The following PTPRS variants were observed in gnomAD, a reference collection of about 807,000 sequenced individuals.
PTPRS encodes protein tyrosine phosphatase receptor type S.
In PTPRS, 63 loss-of-function variants were observed where a neutral mutation model predicts 215.3. The observed-to-expected ratio is 0.29, with a 90% CI of 0.24 to 0.36. The LOEUF (loss-of-function observed/expected upper bound fraction) is 0.36, where lower values mean the gene tolerates loss of function less well. PTPRS is among the 10% of genes least tolerant of loss of function. PTPRS has a pLI of 1.00. For missense variants in PTPRS, 2,258 were observed against 2,825.8 expected (o/e 0.80, Z 4.56); for synonymous variants, 1,404 against 1,191.4 (o/e 1.18, Z -3.68).
chr19:5,266,994 C>T (rs539523258), intron 4 of PTPRS, among the ~76,000 whole-genome samples: 11 of 152,174 alleles, frequency 7.2e-5, no homozygotes, highest in Non-Finnish European at 1.2e-4. Flanking sequence ...CTATCTGTAA[C>T]GGTGCATCTG....
At chr19:5,308,371 TC>T (rs1440036787) in intron 1 of PTPRS, among the ~76,000 whole-genome samples, 1 of 151,976 alleles carries the variant, frequency 6.6e-6, no homozygotes, top group Non-Finnish European at 1.5e-5. Flanking sequence ...TCATCCATCG[TC>T]CCCCCAGACT....
At chr19:5,284,958 AACG>A (rs1322347872) in intron 2 of PTPRS, among the ~76,000 whole-genome samples, 1 of 152,048 alleles carries the variant, frequency 6.6e-6, no homozygotes, top group Non-Finnish European at 1.5e-5. Flanking sequence ...AAAAGGAAAA[AACG>A]ACAATAAAAA....
At chr19:5,297,077 G>A (rs1600061739) in intron 1 of PTPRS, among the ~76,000 whole-genome samples, 2 of 146,066 alleles carry the variant, frequency 1.4e-5, no homozygotes, top group East Asian at 3.9e-4. Flanking sequence ...CCACCTCCAG[G>A]AAGCCCTCCC....
intron 1 of PTPRS, among the ~76,000 whole-genome samples, chr19:5,302,316 G>A (rs1006124891): frequency 8.5e-5 from 13 of 152,138 alleles, no homozygotes; most frequent in Non-Finnish European, 1.8e-4. Flanking sequence ...GGTGAGCTAA[G>A]ATCCCGCCAC....
chr19:5,262,941 C>T (rs376701840), intron 6 of PTPRS, 23 bp downstream of exon 6: 21 of 1,577,988 alleles, frequency 1.3e-5, no homozygotes, highest in South Asian at 5.8e-5. Context: ...TAGTTGTTGA[C>T]GTGGTGATGA....
At chr19:5,269,741 C>T (rs1011711741) in intron 4 of PTPRS, among the ~76,000 whole-genome samples, 4 of 151,862 alleles carry the variant, frequency 2.6e-5, no homozygotes, top group Admixed American at 6.6e-5. Flanking sequence ...ACCAACATGG[C>T]GAAACACTGT....
intron 1 of PTPRS, among the ~76,000 whole-genome samples, chr19:5,310,577 C>G (rs560334934): frequency 1.7e-4 from 26 of 152,190 alleles, no homozygotes; most frequent in African/African-American, 6.0e-4. Flanking sequence ...CTCGGCCTCC[C>G]AAAGTGCTAA....
chr19:5,231,708 TA>T (rs1568432776), intron 13 of PTPRS, 93 bp from the exon 14 acceptor site: 1 of 326,696 alleles, frequency 3.1e-6, no homozygotes, highest in African/African-American at 2.4e-5. Context: ...AAAGAGAAAA[TA>T]AAAAAGAAGA....
chr19:5,267,689 C>T (rs56704443), intron 4 of PTPRS, among the ~76,000 whole-genome samples: 5,184 of 148,768 alleles, frequency 0.035, 342 homozygotes, highest in African/African-American at 0.12. Context: ...GAAACAGCCA[C>T]GTAGGGCAGA....
intron 14 of PTPRS, among the ~76,000 whole-genome samples, chr19:5,230,669 T>G (rs1041188278): frequency 1.1e-4 from 16 of 152,174 alleles, no homozygotes; most frequent in African/African-American, 3.9e-4. Flanking sequence ...CTATGTTGCC[T>G]AGGCTGGTCT....
Position 5,212,417 on chromosome 19 carries a change from G to A in PTPRS, c.4689C>T (p.Tyr1563=), listed in dbSNP as rs756179275. The change falls in exon 31 of 38, where the codon TAC becomes TAT. Residue 1563 remains tyrosine, a synonymous_variant. Transcript: ENST00000262963. ...TAWPDHGVPE[Y]PTPFLAFLRR... ...GCAGGAAAGCCAGGAAGGGCGTTGGGTATTCGGGCACGCCATGGTCCGGCC... is the reference window on the plus strand; with the variant it reads ...GCAGGAAAGCCAGGAAGGGCGTTGGATATTCGGGCACGCCATGGTCCGGCC... 4 of 1,604,126 alleles carry A rather than the reference G, an allele frequency of 2.5e-6. 1 individual carries two copies. The South Asian group carries it at 3.3e-5, about 13-fold the overall frequency.
chr19:5,263,951 C>T (rs1393879299), intron 5 of PTPRS, among the ~76,000 whole-genome samples: 1 of 152,200 alleles, frequency 6.6e-6, no homozygotes, highest in Non-Finnish European at 1.5e-5. Flanking sequence ...CACACGTGGA[C>T]ATGTCGTGAA....
At chr19:5,264,890 C>T (rs878869170) in intron 5 of PTPRS, 118 bp downstream of exon 5, 8 of 1,212,590 alleles carry the variant, frequency 6.6e-6, no homozygotes, top group Middle Eastern at 2.0e-4. Context: ...ACGCCTGCCA[C>T]GGCCACACAC....
intron 1 of PTPRS, among the ~76,000 whole-genome samples, chr19:5,332,631 C>T (rs548142297): frequency 6.6e-6 from 1 of 152,318 alleles, no homozygotes; most frequent in Admixed American, 6.5e-5. Context: ...GCCTCGGTTT[C>T]TCCCTTTGGA....
intron 4 of PTPRS, among the ~76,000 whole-genome samples, chr19:5,269,786 T>C (rs1222300802): frequency 2.0e-5 from 3 of 151,946 alleles, no homozygotes; most frequent in African/African-American, 7.3e-5. Context: ...CTGGGCGTGC[T>C]AGTGGGCGCC....
At chr19:5,325,552 T>C (rs1248691060) in intron 1 of PTPRS, among the ~76,000 whole-genome samples, 1 of 152,190 alleles carries the variant, frequency 6.6e-6, no homozygotes, top group Non-Finnish European at 1.5e-5. Flanking sequence ...GTTTCACTCA[T>C]TCCAACATCC....
chr19:5,278,991 G>A (rs2047629416), intron 2 of PTPRS, among the ~76,000 whole-genome samples: 1 of 151,502 alleles, frequency 6.6e-6, no homozygotes. Context: ...TTTGAGGCCC[G>A]CCTGACCAAC....
intron 1 of PTPRS, among the ~76,000 whole-genome samples, chr19:5,312,393 G>A (rs2049735640): frequency 6.6e-6 from 1 of 151,776 alleles, no homozygotes; most frequent in African/African-American, 2.4e-5. Context: ...AGGCATGGTG[G>A]CTCACACCTG....
intron 1 of PTPRS, among the ~76,000 whole-genome samples, chr19:5,308,789 T>C (rs2049589242): frequency 6.6e-6 from 1 of 152,240 alleles, no homozygotes; most frequent in Non-Finnish European, 1.5e-5. Flanking sequence ...AGCCAGGCTA[T>C]GGCTTTTATG....
Sources: gnomAD v4.1 joint callset for allele counts (sites outside exome capture counted in the v4.1 genomes callset) on GRCh38, gnomAD v4.1.1 for gene constraint, MANE v1.5 for transcripts, NCBI Gene and HGNC (gene_info 2026-07-23, HGNC 2026-07-21) for gene names.